CSMD2: variants seen among roughly 807,000 people sequenced by gnomAD.
The protein encoded by CSMD2 is CUB and Sushi multiple domains 2, also known as CUB and sushi domain-containing protein 2.
A neutral mutation model predicts 398.5 loss-of-function variants in CSMD2; 130 were observed. The observed-to-expected ratio is 0.33, with a 90% CI of 0.28 to 0.38. The LOEUF is 0.38. Ranked by LOEUF, CSMD2 falls within the 10% of genes least tolerant of loss-of-function variation. CSMD2 has a pLI of 1.00. For synonymous variants in CSMD2, 1,828 were observed against 1,908.5 expected (o/e 0.96, Z 1.10); for missense variants, 3,829 against 4,764.9 (o/e 0.80, Z 5.78).
intron 29 of CSMD2, among the ~76,000 whole-genome samples, chr1:33,639,922 C>T (rs1049892982): frequency 2.0e-5 from 3 of 152,132 alleles, no homozygotes; most frequent in Admixed American, 6.5e-5. Flanking sequence ...AAGGCAGGGC[C>T]GGTTATGCTC....
At chr1:33,794,724 G>A (rs1654736794) in intron 10 of CSMD2, among the ~76,000 whole-genome samples, 2 of 152,210 alleles carry the variant, frequency 1.3e-5, no homozygotes, top group Admixed American at 1.3e-4. Context: ...AGAGTTGAAA[G>A]CTCGGAGTCC....
rs529217364 is a variant in CSMD2, at chr1:33,674,701, G to C, written c.4053-11609C>G. On this transcript the variant is annotated intron_variant, in intron 25 of 70. Coordinates refer to ENST00000373381, the MANE Select transcript of CSMD2 (RefSeq NM_001281956.2). ...CACCTATTCCAAAATGGATCACATA[G>C]TTGGAAGTAAAGAACTCCTCAGCAA... 3.3e-3 allele frequency among the ~76,000 whole-genome samples: 505 copies of C among 152,256 alleles called. 1 individual carries two copies. The highest frequency in any genetic ancestry group is 0.011 in the African/African-American group (475 of 41,532).
intron 5 of CSMD2, among the ~76,000 whole-genome samples, chr1:33,850,952 T>C (rs944073345): frequency 6.6e-6 from 1 of 152,192 alleles, no homozygotes; most frequent in Non-Finnish European, 1.5e-5. Context: ...GGGAAGCATT[T>C]CTTCTTAAGA....
intron 5 of CSMD2, among the ~76,000 whole-genome samples, chr1:33,850,318 C>T (rs903920750): frequency 6.6e-6 from 1 of 152,062 alleles, no homozygotes; most frequent in African/African-American, 2.4e-5. Flanking sequence ...CTGTCTTTGC[C>T]CTTGATGCTC....
At chr1:33,667,638 G>C (rs896818124) in intron 25 of CSMD2, among the ~76,000 whole-genome samples, 4 of 152,194 alleles carry the variant, frequency 2.6e-5, no homozygotes, top group African/African-American at 7.2e-5. Flanking sequence ...TGAGTCATAC[G>C]TAAGCTGATA....
chr1:33,806,800 G>C (rs1656283535), intron 10 of CSMD2, among the ~76,000 whole-genome samples: 1 of 152,192 alleles, frequency 6.6e-6, no homozygotes, highest in South Asian at 2.1e-4. Context: ...GGATTTAACA[G>C]AGGCTGGACA....
intron 3 of CSMD2, among the ~76,000 whole-genome samples, chr1:33,985,682 T>C (rs1049025398): frequency 1.3e-5 from 2 of 152,178 alleles, no homozygotes; most frequent in African/African-American, 4.8e-5. Flanking sequence ...AGTAGGATAA[T>C]GTATGTGAAA....
At chr1:34,088,881 A>G in intron 2 of CSMD2, 96 bp downstream of exon 2, 2 of 993,260 alleles carry the variant, frequency 2.0e-6, no homozygotes, top group Non-Finnish European at 3.1e-6. Context: ...GTCTTTGTTG[A>G]TGACCATAAA....
chr1:33,686,209 A>G (rs1645057485), intron 25 of CSMD2, among the ~76,000 whole-genome samples: 1 of 152,194 alleles, frequency 6.6e-6, no homozygotes, highest in African/African-American at 2.4e-5. Context: ...TTTCTTTTCC[A>G]GTTTTCATCT....
intron 42 of CSMD2, 30 bp downstream of exon 42, chr1:33,605,252 A>G (rs751919206): frequency 2.6e-5 from 42 of 1,600,208 alleles, no homozygotes; most frequent in Non-Finnish European, 3.4e-5. Context: ...TACCCCAGGA[A>G]GAACTGCTGG....
chr1:33,906,954 C>A (rs1018411707), intron 5 of CSMD2, among the ~76,000 whole-genome samples: 11 of 151,872 alleles, frequency 7.2e-5, no homozygotes, highest in African/African-American at 2.7e-4. Context: ...GGCATGGAGG[C>A]AAGCAGAAAG....
chr1:33,670,778 T>G (rs1644470394), intron 25 of CSMD2, among the ~76,000 whole-genome samples: 1 of 152,170 alleles, frequency 6.6e-6, no homozygotes. Flanking sequence ...TAGGCACTGG[T>G]GATTCAGATA....
chr1:33,714,768 G>A lies in CSMD2; in HGVS notation c.3225C>T (p.Asp1075=), dbSNP rs764322477. The A allele has an allele frequency of 2.5e-6, 4 of 1,613,930 alleles. No individual in the cohort carries two copies. The African/African-American group carries it at 5.3e-5, about 22-fold the overall frequency. ...EGFNITFSEY[D]LEPCEEPEVP... ...CCTCGGGCTCCTCACAGGGCTCCAA[G>A]TCGTACTCTGGAAAGGTAGCAGGAG... Residue 1075 remains aspartate (D), a synonymous_variant, in exon 21 of 71, where the codon GAC becomes GAT. Coordinates refer to ENST00000373381, the MANE Select transcript of CSMD2 (RefSeq NM_001281956.2).
intron 1 of CSMD2, among the ~76,000 whole-genome samples, chr1:34,098,696 G>T (rs1659653588): frequency 6.6e-6 from 1 of 151,994 alleles, no homozygotes; most frequent in Admixed American, 6.6e-5. Flanking sequence ...ACTTTTGCTG[G>T]ATCAACTAAT....
chr1:33,969,248 T>C (rs187055312), intron 3 of CSMD2, among the ~76,000 whole-genome samples: 1 of 152,254 alleles, frequency 6.6e-6, no homozygotes. Flanking sequence ...AAAGGAACAA[T>C]GTAAAATATT....
chr1:33,655,186 G>A (rs997237000), intron 27 of CSMD2, among the ~76,000 whole-genome samples: 5 of 152,236 alleles, frequency 3.3e-5, no homozygotes, highest in Admixed American at 6.5e-5. Context: ...AGGTTGGACT[G>A]AGGGTGAGAG....
At chr1:34,057,539 C>T (rs987904335) in intron 2 of CSMD2, among the ~76,000 whole-genome samples, 6 of 152,138 alleles carry the variant, frequency 3.9e-5, no homozygotes, top group African/African-American at 9.7e-5. Context: ...CGCCCCCTCC[C>T]GGCAGGCAGC....
chr1:33,846,539 G>A (rs1156998944), intron 6 of CSMD2, among the ~76,000 whole-genome samples: 1 of 152,270 alleles, frequency 6.6e-6, no homozygotes, highest in South Asian at 2.1e-4. Flanking sequence ...TGATGACCGT[G>A]TTTCCTTTGC....
rs766618327 is a variant in CSMD2 at position 33,519,672 on chromosome 1, C to G, written c.10742G>C (p.Arg3581Thr). 2.5e-6 allele frequency: 4 copies of G among 1,613,948 alleles called. No individual in the cohort carries two copies. The highest frequency in any genetic ancestry group is 3.3e-5 in the Admixed American group (2 of 60,008). The change falls in exon 70 of 71, where the codon AGA becomes ACA. Residue 3581 changes from arginine (R) to threonine (T), a missense_variant. Arg to Thr is a moderately conservative substitution (Grantham distance 71). Coordinates refer to ENST00000373381, the MANE Select transcript of CSMD2 (RefSeq NM_001281956.2). This position sits in a 1 kb window ranked among gnomAD's most constrained non-coding sequence, Gnocchi z 5.6. ...ATAGCCATTGAAAGGAACTTTGGGTCTTCTCCTGGCGATAAAAGAGGAAGT... is the reference window on the plus strand; with the variant it reads ...ATAGCCATTGAAAGGAACTTTGGGTGTTCTCCTGGCGATAAAAGAGGAAGT... ...FVLYLYKHRR[R>T]PKVPFNGYAG... is the part of the protein sequence containing the mutation.
Sources: allele counts gnomAD v4.1 joint callset (sites outside exome capture counted in the v4.1 genomes callset), GRCh38; gene constraint gnomAD v4.1.1; non-coding constraint Gnocchi (gnomAD v3.1); transcripts MANE v1.5; gene names NCBI Gene and HGNC (gene_info 2026-07-23, HGNC 2026-07-21).